Variants in PARP9 observed in about 807,000 individuals in gnomAD.
The protein encoded by PARP9 is protein mono-ADP-ribosyltransferase PARP9.
Under a neutral mutation model 68.8 loss-of-function variants are expected in PARP9, and 48 were observed. The observed-to-expected ratio is 0.70, with a 90% confidence interval of 0.55 to 0.89. The LOEUF is 0.89. Among genes scored for constraint, PARP9 ranks in the 40% least tolerant of loss-of-function variants. PARP9 has a pLI of 0.00. For missense variants in PARP9, 806 were observed against 969.3 expected (o/e 0.83, Z 2.24); for synonymous variants, 309 against 333.8 (o/e 0.93, Z 0.81).
At chr3:122,547,003 T>C (rs1041123592) in intron 6 of PARP9, among the ~76,000 whole-genome samples, 7 of 103,306 alleles carry the variant, frequency 6.8e-5, no homozygotes, top group East Asian at 6.7e-4. Flanking sequence ...TATATATATA[T>C]ATATATATAT....
rs138742275 is a variant in PARP9 at position 122,563,863 on chromosome 3, C to T, written c.-90+382G>A. ...GGGCCTTGCTCTGCTCTTTGGGCAG[C>T]AAGAAACAATTCAGTGCTGTTGGTT... On this transcript the variant is annotated intron_variant, in intron 1 of 10. Coordinates refer to ENST00000682323, the MANE Select transcript of PARP9 (RefSeq NM_001146105.2). 3.3e-3 allele frequency among the ~76,000 whole-genome samples: 498 copies of T among 152,194 alleles called. 6 individuals are homozygous for T. The highest frequency in any genetic ancestry group is 0.012 in the African/African-American group (479 of 41,510).
At chr3:122,539,945 C>G (rs992517289) in intron 8 of PARP9, among the ~76,000 whole-genome samples, 4 of 152,172 alleles carry the variant, frequency 2.6e-5, no homozygotes, top group South Asian at 4.1e-4. Flanking sequence ...CAAATTCCCA[C>G]GTGTATCCTG....
rs1421099613 is a variant in PARP9, at chr3:122,564,233, G to A, written c.-90+12C>T. 2 of 617,102 alleles carry A rather than the reference G, an allele frequency of 3.2e-6. No homozygotes were observed. The highest frequency in any genetic ancestry group is 2.0e-5 in the African/African-American group (1 of 50,886). 38.2% of individuals were successfully genotyped at this position (617,102 alleles called of 1,614,324 possible). A position where few individuals can be genotyped will look rare whatever the true frequency, so the allele number is the denominator to read the frequency against. On this transcript the variant is annotated intron_variant, in intron 1 of 10. Coordinates refer to ENST00000682323, the MANE Select transcript of PARP9 (RefSeq NM_001146105.2). ...GGGACCCCGAGGGCCCAGAGGCACC[G>A]GACCTACTCACCCGGCAGGCCGCTC... is the stretch of plus-strand genomic sequence containing the variant.
At chr3:122,529,619 T>A (rs930137575) in intron 10 of PARP9, among the ~76,000 whole-genome samples, 1 of 151,688 alleles carries the variant, frequency 6.6e-6, no homozygotes, top group Non-Finnish European at 1.5e-5. Context: ...CCGGGCGCAG[T>A]TGGGGGCGCC....
Position 122,558,487 on chromosome 3 carries a change from C to T in PARP9, c.16-20G>A. 6.2e-7 allele frequency: 1 copy of T among 1,612,620 alleles called. No homozygotes were observed. The highest frequency in any genetic ancestry group is 8.5e-7 in the Non-Finnish European group (1 of 1,179,158). On this transcript the variant is annotated intron_variant, in intron 2 of 10. Coordinates refer to ENST00000682323, the MANE Select transcript of PARP9 (RefSeq NM_001146105.2). ...GGCCACCTGTGAAAAATGAGAATGG[C>T]TTTCTTAAAAAATGGAAGTGGAATG...
intron 8 of PARP9, 136 bp from the exon 9 acceptor site, chr3:122,537,209 C>T (rs757633520): frequency 3.6e-5 from 31 of 859,200 alleles, no homozygotes; most frequent in Middle Eastern, 7.1e-4. Flanking sequence ...TTAGGACATG[C>T]GAGGAGAGCT....
Position 122,555,513 on chromosome 3 carries a change from T to C in PARP9, c.658A>G (p.Ile220Val). ...QFPLNLCTKT[I>V]VETIRVSLQG... ...AAACTAACCCGGATAGTCTCTACAA[T>C]AGTCTTTGTACACAAATTCAGAGGG... Residue 220 changes from isoleucine (I) to valine (V), a missense_variant, in exon 4 of 11, where the codon ATT (isoleucine) becomes GTT (valine). This residue lies in a region of PARP9 where 680 missense variants were observed against 858.8 expected (regional missense o/e 0.79). Coordinates refer to ENST00000682323, the MANE Select transcript of PARP9 (RefSeq NM_001146105.2). The C allele has an allele frequency of 6.2e-7, 1 of 1,614,164 alleles. No homozygotes were observed. Among genetic ancestry groups the C allele is most frequent in the Non-Finnish European group, 8.5e-7 (1 of 1,180,020 alleles).
rs2077090196 is a variant in PARP9, at chr3:122,528,686, T to C, written c.2138A>G (p.Lys713Arg). 1.2e-6 allele frequency: 2 copies of C among 1,614,022 alleles called. No individual in the cohort carries two copies. The highest frequency in any genetic ancestry group is 2.7e-5 in the African/African-American group (2 of 75,042). The change falls in exon 11 of 11, where the codon AAG (lysine) becomes AGG (arginine). Residue 713 changes from lysine to arginine, a missense_variant. By Grantham distance (26) the Lys-to-Arg change is conservative. Around this residue, in one of 2 missense-constraint regions of PARP9, gnomAD observed 680 missense variants for 858.8 expected, o/e 0.79. Transcript: ENST00000682323. ...ATCTGCAGCAGAGATTTTCTTGGCC[T>C]TCTCTGCCAGGTTTTTGAGGTTCTT... ...FTKNLKNLAE[K>R]AKKISAADKL...
rs1240158543 is a variant in PARP9, at chr3:122,534,558, G to A, written c.2080+1610C>T. 8.4e-6 allele frequency: 5 copies of A among 596,182 alleles called. No homozygotes were observed. In the African/African-American group the frequency reaches 1.0e-4, roughly 12 times the overall value. The allele number at this position is 596,182 out of a possible 1,614,324, so 36.9% of individuals were successfully genotyped here. A position where few individuals can be genotyped will look rare whatever the true frequency, so the allele number is the denominator to read the frequency against. On this transcript the variant is annotated intron_variant, in intron 10 of 10. Transcript: ENST00000682323. ...ATATCACTATATAATGAGTATGTTGGGGGCAGTATCTTGCCTTTAAGCTTT... is the reference window on the plus strand; with the variant it reads ...ATATCACTATATAATGAGTATGTTGAGGGCAGTATCTTGCCTTTAAGCTTT...
chr3:122,552,898 C>T (rs890008576), intron 4 of PARP9, among the ~76,000 whole-genome samples: 1 of 151,648 alleles, frequency 6.6e-6, no homozygotes, highest in Non-Finnish European at 1.5e-5. Flanking sequence ...ATCTGTTTGC[C>T]CCTTGCTGTA....
intron 6 of PARP9, among the ~76,000 whole-genome samples, chr3:122,549,259 G>A (rs978260435): frequency 6.6e-6 from 1 of 151,970 alleles, no homozygotes; most frequent in Admixed American, 6.6e-5. Context: ...CAGATGATCC[G>A]CCTGCCTCAG....
At chr3:122,530,764 CA>C (rs1553712268) in intron 10 of PARP9, among the ~76,000 whole-genome samples, 6 of 152,104 alleles carry the variant, frequency 3.9e-5, no homozygotes, top group Non-Finnish European at 8.8e-5. Context: ...CTATGAGTCA[CA>C]CATGTCGTTT....
chr3:122,533,559 G>A, intron 10 of PARP9: 1 of 477,976 alleles, frequency 2.1e-6, no homozygotes, highest in Non-Finnish European at 2.7e-6. Context: ...ATGGGCAACA[G>A]GTGAACTCGT....
chr3:122,555,469 C>T lies in PARP9; in HGVS notation c.702G>A (p.Met234Ile). ...CCAGGTGAATTTCTTTCAAATTACT[C>T]ATCATTGGCTTCCCTTGCAAACTAA... The part of the protein sequence containing the change: ...IRVSLQGKPM[M>I]SNLKEIHLVS... Residue 234 changes from methionine (M) to isoleucine (I), a missense_variant, in exon 4 of 11, where the codon ATG (methionine) becomes ATA (isoleucine). Transcript: ENST00000682323. The T allele has an allele frequency of 1.2e-6, 2 of 1,614,172 alleles. No individual in the cohort carries two copies. Among genetic ancestry groups the T allele is most frequent in the Non-Finnish European group, 1.7e-6 (2 of 1,180,018 alleles).
rs529971754 is a variant in PARP9 at position 122,559,637 on chromosome 3, G to A, written c.-17C>T. ...AAAGTCCATCCTCCAGGTCCCCGGG[G>A]GAGTCTTTAAATGTTTATTCCCTTT... On this transcript the variant is annotated 5_prime_UTR_variant, in exon 2 of 11. Transcript: ENST00000682323. 1.3e-6 allele frequency: 2 copies of A among 1,586,878 alleles called. No homozygotes were observed. The highest frequency in any genetic ancestry group is 2.7e-5 in the African/African-American group (2 of 74,408).
intron 10 of PARP9, chr3:122,532,251 A>G: frequency 1.0e-6 from 1 of 985,404 alleles, no homozygotes; most frequent in African/African-American, 1.7e-5. Flanking sequence ...CTGGAAAGGA[A>G]TTTCTTCAGC....
At chr3:122,545,846 C>T in intron 6 of PARP9, 2 of 217,510 alleles carry the variant, frequency 9.2e-6, no homozygotes. Context: ...CTATAGGTAA[C>T]TAATAAAACA....
Position 122,537,020 on chromosome 3 carries a change from T to C in PARP9, c.1819A>G (p.Ile607Val), listed in dbSNP as rs1398827870. Residue 607 changes from isoleucine to valine, a missense_variant, in exon 9 of 11, where the codon ATA becomes GTA. Transcript: ENST00000682323. ...KTQDEMKENI[I>V]FLKCPVPPTQ... ...GGAGGCACAGGACATTTCAGAAATA[T>C]GATATTTTCTTTCATTTCGTCTTGG... 3 of 1,611,580 alleles carry C rather than the reference T, an allele frequency of 1.9e-6. No homozygotes were observed. Among genetic ancestry groups the C allele is most frequent in the African/African-American group, 1.4e-5 (1 of 73,238 alleles).
At chr3:122,539,629 T>G (rs533166713) in intron 8 of PARP9, among the ~76,000 whole-genome samples, 1 of 151,668 alleles carries the variant, frequency 6.6e-6, no homozygotes, top group East Asian at 1.9e-4. Context: ...GGTTCGATCT[T>G]GGTTCACTGC....
Sources: gnomAD v4.1 joint callset for allele counts (sites outside exome capture counted in the v4.1 genomes callset) on GRCh38, gnomAD v4.1.1 for gene constraint, gnomAD v4.1.1 regional missense constraint, MANE v1.5 for transcripts, NCBI Gene and HGNC (gene_info 2026-07-23, HGNC 2026-07-21) for gene names.